FHIT: variants seen among roughly 807,000 people sequenced by gnomAD.
The protein encoded by FHIT is bis(5'-adenosyl)-triphosphatase.
FHIT carries 19 observed loss-of-function variants against 17.9 expected under a neutral mutation model. The ratio of observed to expected loss-of-function variants is 1.06; its 90% CI spans 0.74 to 1.56. The LOEUF (loss-of-function observed/expected upper bound fraction) is 1.56, where lower values mean the gene tolerates loss of function less well. Ranked by LOEUF, FHIT falls within the 40% of genes most tolerant of loss-of-function variation. FHIT has a pLI of 0.00. For missense variants in FHIT, 248 were observed against 189.2 expected (o/e 1.31, Z -1.82); for synonymous variants, 81 against 69.7 (o/e 1.16, Z -0.81).
rs1710339386 is a variant in FHIT at position 60,978,062 on chromosome 3, G to T, written c.-111+63985C>A. On this transcript the variant is annotated intron_variant, in intron 3 of 9. Coordinates refer to ENST00000492590, the MANE Select transcript of FHIT (RefSeq NM_002012.4). ...AAAAAGAGTGGAAAGAGAAGAGGCG[G>T]TGTCAAAGGAAAAGAGAAAAAATAC... is the stretch of plus-strand genomic sequence containing the variant. Among the ~76,000 whole-genome samples the T allele has an allele frequency of 2.6e-5, 4 of 152,132 alleles. No homozygotes were observed. In the South Asian group the frequency reaches 8.3e-4, roughly 32 times the overall value.
chr3:61,203,102 C>G (rs1183222878), intron 1 of FHIT, among the ~76,000 whole-genome samples: 1 of 148,944 alleles, frequency 6.7e-6, no homozygotes, highest in Admixed American at 6.9e-5. Context: ...ATGGTGTGAA[C>G]CTGGGAGGCG....
At chr3:60,581,870 A>G (rs2107680789) in intron 4 of FHIT, among the ~76,000 whole-genome samples, 1 of 152,146 alleles carries the variant, frequency 6.6e-6, no homozygotes, top group African/African-American at 2.4e-5. Flanking sequence ...GTTCTTTATT[A>G]GCAAGCAAAT....
intron 3 of FHIT, among the ~76,000 whole-genome samples, chr3:60,985,737 G>C (rs1168662482): frequency 6.6e-6 from 1 of 152,154 alleles, no homozygotes; most frequent in African/African-American, 2.4e-5. Context: ...TAAATTCCCA[G>C]GTGCGTTAGC....
At chr3:60,849,781 C>T (rs548949125) in intron 3 of FHIT, among the ~76,000 whole-genome samples, 82 of 151,858 alleles carry the variant, frequency 5.4e-4, no homozygotes, top group Admixed American at 1.4e-3. Context: ...GCCATGCTTT[C>T]TCTCTCTCTC....
intron 4 of FHIT, among the ~76,000 whole-genome samples, chr3:60,641,678 A>G (rs1553685316): frequency 2.6e-5 from 4 of 152,090 alleles, no homozygotes; most frequent in Non-Finnish European, 1.5e-5. Context: ...TGGGAATTTC[A>G]CCATCCTTCT....
intron 8 of FHIT, among the ~76,000 whole-genome samples, chr3:59,908,301 A>G (rs1401035536): frequency 6.6e-6 from 1 of 152,264 alleles, no homozygotes; most frequent in African/African-American, 2.4e-5. Flanking sequence ...CTATAGCAGC[A>G]ACATGAATGT....
intron 2 of FHIT, among the ~76,000 whole-genome samples, chr3:61,086,512 G>C (rs2035311423): frequency 6.6e-6 from 1 of 151,886 alleles, no homozygotes; most frequent in Admixed American, 6.6e-5. Flanking sequence ...CATCTCTTTA[G>C]CTGCTGCTTT....
chr3:59,968,931 T>C (rs1172467926), intron 7 of FHIT, among the ~76,000 whole-genome samples: 1 of 152,170 alleles, frequency 6.6e-6, no homozygotes, highest in South Asian at 2.1e-4. Flanking sequence ...GAATGCAACA[T>C]TTCCCACACA....
At chr3:60,049,131 C>T (rs148818988) in intron 5 of FHIT, among the ~76,000 whole-genome samples, 448 of 152,230 alleles carry the variant, frequency 2.9e-3, no homozygotes, top group African/African-American at 1.0e-2. Context: ...TGTACTTTAA[C>T]GCATAGCTGT....
intron 8 of FHIT, among the ~76,000 whole-genome samples, chr3:59,849,352 G>A (rs2106784127): frequency 6.6e-6 from 1 of 152,132 alleles, no homozygotes; most frequent in East Asian, 1.9e-4. Context: ...CAGCCTGGGT[G>A]ACAGAATGAG....
intron 5 of FHIT, among the ~76,000 whole-genome samples, chr3:60,362,203 T>C (rs1699933940): frequency 6.6e-6 from 1 of 152,198 alleles, no homozygotes; most frequent in South Asian, 2.1e-4. Flanking sequence ...TTCTTGTGTA[T>C]GACAAGAGCA....
chr3:59,992,861 C>T (rs569989112), intron 7 of FHIT, among the ~76,000 whole-genome samples: 1 of 152,198 alleles, frequency 6.6e-6, no homozygotes, highest in East Asian at 1.9e-4. Flanking sequence ...GATATGAAGA[C>T]AGGACTGAAA....
At chr3:60,662,371 G>A (rs1254949413) in intron 4 of FHIT, among the ~76,000 whole-genome samples, 2 of 151,986 alleles carry the variant, frequency 1.3e-5, no homozygotes, top group Non-Finnish European at 2.9e-5. Flanking sequence ...TTTATTTCTG[G>A]GTTCTCTATT....
At chr3:60,518,344 T>C (rs1464216887) in intron 5 of FHIT, among the ~76,000 whole-genome samples, 1 of 152,218 alleles carries the variant, frequency 6.6e-6, no homozygotes, top group Non-Finnish European at 1.5e-5. Flanking sequence ...AGGTAACTTA[T>C]TGATAAAGGT....
At chr3:60,875,129 A>G (rs1553756097) in intron 3 of FHIT, among the ~76,000 whole-genome samples, 1 of 152,162 alleles carries the variant, frequency 6.6e-6, no homozygotes, top group East Asian at 1.9e-4. Flanking sequence ...CTCTAGGAAT[A>G]AACTCTGGCC....
At chr3:60,642,605 A>G (rs1440822520) in intron 4 of FHIT, among the ~76,000 whole-genome samples, 1 of 152,192 alleles carries the variant, frequency 6.6e-6, no homozygotes, top group Non-Finnish European at 1.5e-5. Context: ...AAGGGGAGAA[A>G]TGTGGTTGCA....
chr3:59,978,729 A>C (rs556196318), intron 7 of FHIT, among the ~76,000 whole-genome samples: 2 of 150,812 alleles, frequency 1.3e-5, no homozygotes, highest in Admixed American at 1.3e-4. Context: ...GGAGGTTTCA[A>C]AGTGTCCCTC....
intron 8 of FHIT, among the ~76,000 whole-genome samples, chr3:59,827,125 C>G (rs546191352): frequency 4.5e-4 from 68 of 152,310 alleles, no homozygotes; most frequent in Non-Finnish European, 2.5e-4. Flanking sequence ...CATTTTATAG[C>G]ACAAATGGTA....
chr3:59,932,739 C>T (rs1478552450), intron 7 of FHIT, among the ~76,000 whole-genome samples: 2 of 151,920 alleles, frequency 1.3e-5, no homozygotes, highest in African/African-American at 2.4e-5. Flanking sequence ...TGTAATAGAC[C>T]TAAACAGGAA....
Sources: allele counts gnomAD v4.1 joint callset (sites outside exome capture counted in the v4.1 genomes callset), GRCh38; gene constraint gnomAD v4.1.1; transcripts MANE v1.5; gene names NCBI Gene and HGNC (gene_info 2026-07-23, HGNC 2026-07-21).